CREB5: variants seen among roughly 807,000 people sequenced by gnomAD.
The protein encoded by CREB5 is cAMP responsive element binding protein 5.
Under a neutral mutation model 57.1 loss-of-function variants are expected in CREB5, and 19 were observed. That is an observed-to-expected ratio of 0.33 (90% CI 0.23 to 0.49). The LOEUF is 0.49. Ranked by LOEUF, CREB5 falls within the 20% of genes least tolerant of loss-of-function variation. The pLI is 0.99. For synonymous variants in CREB5, 238 were observed against 238.3 expected, an observed-to-expected ratio of 1.00 and a Z score of 0.01; for missense variants, 579 against 671.6, an observed-to-expected ratio of 0.86 and a Z score of 1.52.
chr7:28,707,727 A>G (rs997351825), intron 5 of CREB5, among the ~76,000 whole-genome samples: 14 of 152,144 alleles, frequency 9.2e-5, no homozygotes, highest in African/African-American at 3.4e-4. Flanking sequence ...GTTTTACACT[A>G]TTTGTTCTTG....
chr7:28,781,370 T>G (rs1481804507), intron 7 of CREB5, among the ~76,000 whole-genome samples: 1 of 152,166 alleles, frequency 6.6e-6, no homozygotes, highest in East Asian at 1.9e-4. Context: ...AATTAAAAAT[T>G]TCTAAAATGT....
At chr7:28,592,876 A>T (rs1255894396) in intron 5 of CREB5, among the ~76,000 whole-genome samples, 1 of 152,218 alleles carries the variant, frequency 6.6e-6, no homozygotes, top group Non-Finnish European at 1.5e-5. Flanking sequence ...TTTGTAAAAT[A>T]GGGATACTAT....
At chr7:28,602,323 C>T (rs1017990790) in intron 5 of CREB5, among the ~76,000 whole-genome samples, 2 of 152,054 alleles carry the variant, frequency 1.3e-5, no homozygotes, top group Admixed American at 6.6e-5. Flanking sequence ...GCCAGGGTTT[C>T]GCCATGTTGG....
rs549058074 is a variant in CREB5 at position 28,689,215 on chromosome 7, G to A, written c.465-29538G>A. 2.1e-3 allele frequency among the ~76,000 whole-genome samples: 320 copies of A among 152,210 alleles called. 1 individual carries two copies. Among genetic ancestry groups the A allele is most frequent in the African/African-American group, 7.3e-3 (302 of 41,534 alleles). ...GAGAGGGCCGAGCGCAGTGGCTCAC[G>A]CCTGTAATCCCAGCACTTTGGGAGG... On this transcript the variant is annotated intron_variant, in intron 5 of 10. Transcript: ENST00000357727.
chr7:28,575,616 G>C (rs551694961), intron 5 of CREB5, among the ~76,000 whole-genome samples: 105 of 152,276 alleles, frequency 6.9e-4, no homozygotes, highest in African/African-American at 2.5e-3. Context: ...GCTTGTCACT[G>C]GTCCTCAGCC....
At chr7:28,784,811 T>G (rs1807217180) in intron 7 of CREB5, among the ~76,000 whole-genome samples, 1 of 152,170 alleles carries the variant, frequency 6.6e-6, no homozygotes, top group Admixed American at 6.5e-5. Flanking sequence ...AAACAGCTTT[T>G]GGGCCTTTCT....
chr7:28,639,556 G>A (rs975006524), intron 5 of CREB5, among the ~76,000 whole-genome samples: 1 of 152,064 alleles, frequency 6.6e-6, no homozygotes, highest in Admixed American at 6.6e-5. Flanking sequence ...GTGTGAGTTG[G>A]AATCAAGACC....
chr7:28,666,441 A>T (rs903042202), intron 5 of CREB5, among the ~76,000 whole-genome samples: 5 of 152,206 alleles, frequency 3.3e-5, no homozygotes, highest in African/African-American at 1.2e-4. Flanking sequence ...CCCTGACTTG[A>T]GTCAGTCCCA....
chr7:28,531,035 G>A (rs1020732532), intron 4 of CREB5, among the ~76,000 whole-genome samples: 2 of 152,132 alleles, frequency 1.3e-5, no homozygotes, highest in African/African-American at 4.8e-5. Context: ...GCTTTTTGAA[G>A]GTCAAATGTT....
intron 7 of CREB5, among the ~76,000 whole-genome samples, chr7:28,764,070 C>T (rs1805816574): frequency 6.6e-6 from 1 of 151,852 alleles, no homozygotes; most frequent in South Asian, 2.1e-4. Context: ...CCTAAAGCAC[C>T]AGGATTACAG....
chr7:28,709,692 A>C (rs1802306741), intron 5 of CREB5, among the ~76,000 whole-genome samples: 1 of 152,152 alleles, frequency 6.6e-6, no homozygotes, highest in Non-Finnish European at 1.5e-5. Context: ...TTATTAAAAA[A>C]AAAAAAAGAA....
intron 1 of CREB5, among the ~76,000 whole-genome samples, chr7:28,365,283 A>G (rs1214399392): frequency 1.3e-5 from 2 of 152,112 alleles, no homozygotes; most frequent in Admixed American, 6.5e-5. Context: ...CTTGTTTTCA[A>G]TGAACACAAT....
chr7:28,798,507 T>C (rs1248331475), intron 7 of CREB5, among the ~76,000 whole-genome samples: 9 of 152,006 alleles, frequency 5.9e-5, no homozygotes, highest in Non-Finnish European at 1.2e-4. Flanking sequence ...AAACGGGAAA[T>C]TAAAGAGGGA....
intron 7 of CREB5, among the ~76,000 whole-genome samples, chr7:28,728,985 T>G (rs1803473736): frequency 6.6e-6 from 1 of 152,208 alleles, no homozygotes; most frequent in African/African-American, 2.4e-5. Context: ...TCCTTGGAGT[T>G]GAGCATCAGT....
intron 1 of CREB5, among the ~76,000 whole-genome samples, chr7:28,423,935 A>G (rs1053460197): frequency 6.6e-6 from 1 of 152,188 alleles, no homozygotes; most frequent in Non-Finnish European, 1.5e-5. Context: ...GTAGCAAAGT[A>G]GCACAAACTC....
intron 4 of CREB5, among the ~76,000 whole-genome samples, chr7:28,560,987 T>TG (rs1212595303): frequency 1.6e-5 from 1 of 64,454 alleles, no homozygotes; most frequent in African/African-American, 4.6e-5. Context: ...TGTGCGTGCG[T>TG]GTGTGTGCCT....
chr7:28,689,511 G>A (rs1165145138), intron 5 of CREB5, among the ~76,000 whole-genome samples: 1 of 152,012 alleles, frequency 6.6e-6, no homozygotes, highest in Non-Finnish European at 1.5e-5. Flanking sequence ...TGTATTCTTT[G>A]CCCAGTTACC....
At chr7:28,794,818 T>C (rs1473750856) in intron 7 of CREB5, among the ~76,000 whole-genome samples, 1 of 152,192 alleles carries the variant, frequency 6.6e-6, no homozygotes, top group East Asian at 1.9e-4. Flanking sequence ...GATCAATTCA[T>C]CAGATTTTGT....
intron 1 of CREB5, among the ~76,000 whole-genome samples, chr7:28,330,948 C>T (rs7778639): frequency 0.58 from 87,718 of 151,790 alleles, 25,593 homozygotes; most frequent in African/African-American, 0.61. Context: ...TCATCTAGCC[C>T]CTGCTTGCAA....
Sources: gnomAD v4.1 joint callset for allele counts (sites outside exome capture counted in the v4.1 genomes callset) on GRCh38, gnomAD v4.1.1 for gene constraint, MANE v1.5 for transcripts, NCBI Gene and HGNC (gene_info 2026-07-23, HGNC 2026-07-21) for gene names.